ZNF397: variants seen among roughly 807,000 people sequenced by gnomAD.
ZNF397 encodes the protein zinc finger and SCAN domain-containing protein 15.
ZNF397 carries 38 observed loss-of-function variants against 50.6 expected under a neutral mutation model. The ratio of observed to expected loss-of-function variants is 0.75; its 90% CI spans 0.58 to 0.98. The LOEUF (loss-of-function observed/expected upper bound fraction) is 0.98, where lower values mean the gene tolerates loss of function less well. Ranked by LOEUF, ZNF397 falls within the 50% of genes least tolerant of loss-of-function variation. The pLI is 0.00. For synonymous variants in ZNF397, 228 were observed against 215.2 expected, an observed-to-expected ratio of 1.06 and a Z score of -0.52; for missense variants, 624 against 624.1, an observed-to-expected ratio of 1.00 and a Z score of 0.00.
chr18:35,255,416 C>G (rs902391195), intron 5 of ZNF397, among the ~76,000 whole-genome samples: 2 of 151,868 alleles, frequency 1.3e-5, no homozygotes, highest in Non-Finnish European at 2.9e-5. Flanking sequence ...ATGCATTTTA[C>G]ATATCAGGAA....
At chr18:35,252,690 A>G (rs940208895), downstream of ZNF397, 1 of 152,106 alleles carries the variant, frequency 6.6e-6, no homozygotes, top group African/African-American at 2.4e-5. Context: ...CCTGCCATGT[A>G]CTTTGATGGA....
downstream of ZNF397, chr18:35,252,085 TTC>T (rs887367921): frequency 6.6e-6 from 1 of 152,174 alleles, no homozygotes; most frequent in African/African-American, 2.4e-5. Context: ...ATCAGGACTC[TTC>T]TCTCCAGCAG....
rs1060760 is a variant in ZNF397 at position 35,246,697 on chromosome 18, T to A, written c.*387T>A. On this transcript the variant is annotated 3_prime_UTR_variant, in exon 4 of 4. Coordinates refer to ENST00000330501, the MANE Select transcript of ZNF397 (RefSeq NM_001135178.3). ...GGTGTGGACTGTGTGAGGCACTTCG[T>A]CTCAGGAACTAAAAAAAAAAAAAAA... 0.87 allele frequency: 857,868 copies of A among 985,992 alleles called. 377,396 individuals carry two copies. The highest frequency in any genetic ancestry group is 0.9 in the Non-Finnish European group (748,559 of 831,696). 61.1% of individuals were successfully genotyped at this position (985,992 alleles called of 1,614,324 possible).
In ZNF397 at chr18:35,248,062, G is replaced by A. The variant is rs1381197988; in HGVS notation, c.*1752G>A. The A allele has an allele frequency of 2.0e-5, 3 of 152,198 alleles. No homozygotes were observed. The highest frequency in any genetic ancestry group is 2.9e-5 in the Non-Finnish European group (2 of 68,040). The allele number at this position is 152,198 out of a possible 1,614,324, so 9.4% of individuals were successfully genotyped here. A position where few individuals can be genotyped will look rare whatever the true frequency, so the allele number is the denominator to read the frequency against. On this transcript the variant is annotated 3_prime_UTR_variant, in exon 4 of 4. Transcript: ENST00000330501. ...AGTCAAGACTTCCCTTTTCTGAGGG[G>A]CCTAGCAGGAAGAGAATATTTAGAC...
At position 35,242,527 on chromosome 18, in the gene ZNF397, A is replaced by C. The variant is rs2143577894; in HGVS notation, c.57A>C (p.Gln19His). 1 of 1,614,212 alleles carries C rather than the reference A, an allele frequency of 6.2e-7. No homozygotes were observed. Among genetic ancestry groups the C allele is most frequent in the Middle Eastern group, 1.7e-4 (1 of 6,058 alleles). The change falls in exon 2 of 4, where the codon CAA (glutamine) becomes CAC (histidine). Residue 19 changes from glutamine (Q) to histidine (H), a missense_variant. Gln to His is a conservative substitution (Grantham distance 24, BLOSUM62 0). Coordinates refer to ENST00000330501, the MANE Select transcript of ZNF397 (RefSeq NM_001135178.3). ...STLIPQDPPE[Q>H]ELILVKVEDN... ...TGATACCTCAGGATCCTCCGGAACAAGAACTAATACTAGTGAAAGTAGAAG... is the reference window on the plus strand; with the variant it reads ...TGATACCTCAGGATCCTCCGGAACACGAACTAATACTAGTGAAAGTAGAAG...
At position 35,243,165 on chromosome 18, in the gene ZNF397, C is replaced by T. The variant is rs765782571; in HGVS notation, c.428C>T (p.Pro143Leu). The T allele has an allele frequency of 1.9e-6, 3 of 1,614,036 alleles. No individual in the cohort carries two copies. Among genetic ancestry groups the T allele is most frequent in the Non-Finnish European group, 2.5e-6 (3 of 1,180,034 alleles). ...DDPGQQVPAS[P>L]QGPAVPWKDL... ...TACTGATTTCAGGTCCCAGCTAGTC[C>T]ACAGGGACCAGCAGTGCCATGGAAG... The change falls in exon 3 of 4, where the codon CCA becomes CTA. Residue 143 changes from proline to leucine, a missense_variant. By Grantham distance (98) the Pro-to-Leu change is moderately conservative. Coordinates refer to ENST00000330501, the MANE Select transcript of ZNF397 (RefSeq NM_001135178.3).
At chr18:35,252,085 T>C (rs959745557), downstream of ZNF397, 9 of 152,292 alleles carry the variant, frequency 5.9e-5, no homozygotes, top group African/African-American at 2.2e-4. Context: ...ATCAGGACTC[T>C]TCTCTCCAGC....
rs1385799035 is a variant in ZNF397 at position 35,241,067 on chromosome 18, T to C, written c.-123T>C. Reference sequence around the variant, plus strand: ...ACTTCCGGTCTTTGTGGCTTGCAGCTCGGGGTGGGTGGCTCATTTCCTGGC... The same window carrying C: ...ACTTCCGGTCTTTGTGGCTTGCAGCCCGGGGTGGGTGGCTCATTTCCTGGC... On this transcript the variant is annotated 5_prime_UTR_variant, in exon 1 of 4. Transcript: ENST00000330501. 6.6e-6 allele frequency: 1 copy of C among 152,264 alleles called. No homozygotes were observed. The highest frequency in any genetic ancestry group is 2.4e-5 in the African/African-American group (1 of 41,442). The allele number at this position is 152,264 out of a possible 1,614,324, so 9.4% of individuals were successfully genotyped here. A position where few individuals can be genotyped will look rare whatever the true frequency, so the allele number is the denominator to read the frequency against.
downstream of ZNF397, chr18:35,254,304 A>G: frequency 6.2e-7 from 1 of 1,614,106 alleles, no homozygotes; most frequent in Non-Finnish European, 8.5e-7. Flanking sequence ...TTTCCCGGCG[A>G]TATCATAGCT....
Position 35,246,744 on chromosome 18 carries a change from GAC to G in ZNF397, c.*436_*437del. Reference sequence around the variant, plus strand: ...AAAAACTGACCCAATAAAGAACAGTGACAGAGCAGCAGGAAAGGTGGGGAAAT... The same window carrying G: ...AAAAACTGACCCAATAAAGAACAGTGAGAGCAGCAGGAAAGGTGGGGAAAT... On this transcript the variant is annotated 3_prime_UTR_variant, in exon 4 of 4. Transcript: ENST00000330501. 1 of 988,700 alleles carries G rather than the reference GAC, an allele frequency of 1.0e-6. No individual in the cohort carries two copies. Among genetic ancestry groups the G allele is most frequent in the Non-Finnish European group, 1.2e-6 (1 of 832,572 alleles). The allele number at this position is 988,700 out of a possible 1,614,324, so 61.2% of individuals were successfully genotyped here.
At chr18:35,255,739 G>C (rs1004585137) in intron 5 of ZNF397, 2 of 154,208 alleles carry the variant, frequency 1.3e-5, no homozygotes, top group Non-Finnish European at 2.9e-5. Context: ...CTGGCTTCCC[G>C]TTTTCCCCAT....
At position 35,247,172 on chromosome 18, in the gene ZNF397, G is replaced by C. The variant is rs531257413; in HGVS notation, c.*862G>C. On this transcript the variant is annotated 3_prime_UTR_variant, in exon 4 of 4. Coordinates refer to ENST00000330501, the MANE Select transcript of ZNF397 (RefSeq NM_001135178.3). ...AGGTCTTGTCTGTCAGAGAAGTCTG[G>C]GTCTGGCCAGACTCTTAAGCAGTGC... The C allele has an allele frequency of 1.0e-6, 1 of 985,418 alleles. No homozygotes were observed. Among genetic ancestry groups the C allele is most frequent in the East Asian group, 1.1e-4 (1 of 8,810 alleles). 61.0% of individuals were successfully genotyped at this position (985,418 alleles called of 1,614,324 possible).
intron 5 of ZNF397, chr18:35,255,881 A>T (rs967860799): frequency 6.5e-6 from 1 of 154,324 alleles, no homozygotes; most frequent in Non-Finnish European, 1.5e-5. Context: ...ACTTGCATAC[A>T]ATAGAGGCAT....
intron 1 of ZNF397, chr18:35,241,812 A>T (rs1205432823): frequency 1.3e-5 from 2 of 152,252 alleles, no homozygotes; most frequent in East Asian, 3.8e-4. Flanking sequence ...TTCGGTAAAC[A>T]CCAAATGCGA....
In ZNF397 at chr18:35,249,796, C is replaced by G. The variant is rs1244910360; in HGVS notation, c.*3486C>G. On this transcript the variant is annotated 3_prime_UTR_variant, in exon 4 of 4. Coordinates refer to ENST00000330501, the MANE Select transcript of ZNF397 (RefSeq NM_001135178.3). ...AATATATATTTATGTATTAAAAATACTGAAAACATAAAGTGCTATACTGGT... is the reference window on the plus strand; with the variant it reads ...AATATATATTTATGTATTAAAAATAGTGAAAACATAAAGTGCTATACTGGT... 3 of 148,982 alleles carry G rather than the reference C, an allele frequency of 2.0e-5. No homozygotes were observed. The highest frequency in any genetic ancestry group is 5.0e-5 in the African/African-American group (2 of 40,246). 9.2% of individuals were successfully genotyped at this position (148,982 alleles called of 1,614,324 possible).
chr18:35,246,119 C>G lies in ZNF397; in HGVS notation c.1414C>G (p.Gln472Glu), dbSNP rs1415377741. ...FSLSSNLIRH[Q>E]RIHSGEEPYQ... ...TTTGAGCTCAAACCTTATCAGACAT[C>G]AGAGAATTCATAGTGGGGAGGAACC... Residue 472 changes from glutamine (Q) to glutamate (E), a missense_variant, in exon 4 of 4, where the codon CAG becomes GAG. By Grantham distance (29) the Gln-to-Glu change is conservative (BLOSUM62 2). Coordinates refer to ENST00000330501, the MANE Select transcript of ZNF397 (RefSeq NM_001135178.3). The G allele has an allele frequency of 1.9e-6, 3 of 1,551,766 alleles. No individual in the cohort carries two copies. Among genetic ancestry groups the G allele is most frequent in the Non-Finnish European group, 2.6e-6 (3 of 1,146,886 alleles).
rs754670554 is a variant in ZNF397, at chr18:35,242,549, G to C, written c.79G>C (p.Glu27Gln). 11 of 1,614,090 alleles carry C rather than the reference G, an allele frequency of 6.8e-6. No individual in the cohort carries two copies. In the African/African-American group the frequency reaches 1.5e-4, roughly 22 times the overall value. The change falls in exon 2 of 4, where the codon GAA (glutamate) becomes CAA (glutamine). Residue 27 changes from glutamate to glutamine, a missense_variant. Physicochemically the swap from Glu to Gln is conservative, Grantham distance 29. Transcript: ENST00000330501. The part of the protein sequence containing the change: ...PEQELILVKV[E>Q]DNFSWDEKFK... ...ACAAGAACTAATACTAGTGAAAGTA[G>C]AAGATAACTTTTCCTGGGATGAGAA...
At chr18:35,252,752 T>G, downstream of ZNF397, 1 of 152,204 alleles carries the variant, frequency 6.6e-6, no homozygotes, top group South Asian at 2.1e-4. Flanking sequence ...GTAATTACTG[T>G]TTAGTATATA....
intron 3 of ZNF397, 80 bp downstream of exon 3, chr18:35,243,373 A>G: frequency 6.2e-7 from 1 of 1,603,374 alleles, no homozygotes; most frequent in East Asian, 2.2e-5. Flanking sequence ...TGCACTTGAC[A>G]AACTTGCCAC....
Sources: allele counts gnomAD v4.1 joint callset (sites outside exome capture counted in the v4.1 genomes callset), GRCh38; gene constraint gnomAD v4.1.1; transcripts MANE v1.5; gene names NCBI Gene and HGNC (gene_info 2026-07-23, HGNC 2026-07-21).